LRP1B: variants seen among roughly 807,000 people sequenced by gnomAD.
The protein encoded by LRP1B is low-density lipoprotein receptor-related protein 1B.
A neutral mutation model predicts 556.6 loss-of-function variants in LRP1B; 217 were observed. The observed-to-expected ratio is 0.39, with a 90% CI of 0.35 to 0.44. LRP1B has a LOEUF of 0.44. LRP1B is among the 20% of genes least tolerant of loss of function. The pLI is 1.00. For synonymous variants in LRP1B, 2,047 were observed against 1,865.8 expected (o/e 1.10, Z -2.50); for missense variants, 5,053 against 5,620.8 (o/e 0.90, Z 3.23).
intron 1 of LRP1B, among the ~76,000 whole-genome samples, chr2:141,967,643 AC>A (rs1701599890): frequency 6.6e-6 from 1 of 151,760 alleles, no homozygotes; most frequent in African/African-American, 2.4e-5. Context: ...GGAGATGAAA[AC>A]CCCTATAAAG....
At chr2:140,749,026 C>T (rs1351024035) in intron 35 of LRP1B, among the ~76,000 whole-genome samples, 1 of 151,434 alleles carries the variant, frequency 6.6e-6, no homozygotes, top group Admixed American at 6.6e-5. Context: ...GACTTCAAAC[C>T]TGTACAGCAT....
rs1035548249 is a variant in LRP1B, at chr2:140,775,957, G to A, written c.5500+141C>T. On this transcript the variant is annotated intron_variant, in intron 33 of 90. Coordinates refer to ENST00000389484, the MANE Select transcript of LRP1B (RefSeq NM_018557.3). Reference sequence around the variant, plus strand: ...CTATATTAAAGACATTTCTCCTACAGTAGTAAGCAACATTTTCCTTTTTTC... The same window carrying A: ...CTATATTAAAGACATTTCTCCTACAATAGTAAGCAACATTTTCCTTTTTTC... The A allele has an allele frequency of 4.1e-5, 27 of 654,854 alleles. No homozygotes were observed. In the South Asian group the frequency reaches 5.8e-4, roughly 14 times the overall value. The allele number at this position is 654,854 out of a possible 1,614,324, so 40.6% of individuals were successfully genotyped here. A position where few individuals can be genotyped will look rare whatever the true frequency, so the allele number is the denominator to read the frequency against.
intron 77 of LRP1B, among the ~76,000 whole-genome samples, chr2:140,336,204 CAT>C (rs767067298): frequency 2.0e-5 from 3 of 151,876 alleles, no homozygotes; most frequent in Non-Finnish European, 4.4e-5. Context: ...AACAAAGAAT[CAT>C]AGTCTTTCAT....
At chr2:141,439,939 C>T (rs116145043) in intron 3 of LRP1B, among the ~76,000 whole-genome samples, 177 of 152,250 alleles carry the variant, frequency 1.2e-3, no homozygotes, top group African/African-American at 3.7e-3. Context: ...TTTTATTAAA[C>T]AAATGTGTTA....
chr2:140,389,305 C>A (rs1683906651), intron 66 of LRP1B, among the ~76,000 whole-genome samples: 2 of 151,584 alleles, frequency 1.3e-5, no homozygotes, highest in East Asian at 1.9e-4. Context: ...AAAAGGGATT[C>A]AAAAATCTAG....
Position 141,654,250 on chromosome 2 carries a change from AT to A in LRP1B, c.205+156028del, listed in dbSNP as rs1215358612. The stretch of plus-strand genomic sequence containing the variant: ...TGAGATTTTCTCAAACTGATTATGT[AT>A]TTGTATTGCAATATAAACCATCAGA... On this transcript the variant is annotated intron_variant, in intron 2 of 90. Transcript: ENST00000389484. Among the ~76,000 whole-genome samples, 6 of 152,320 alleles carry A rather than the reference AT, an allele frequency of 3.9e-5. No homozygotes were observed. The East Asian group carries it at 9.6e-4, about 24-fold the overall frequency.
intron 68 of LRP1B, among the ~76,000 whole-genome samples, chr2:140,376,395 C>T (rs1683229255): frequency 6.6e-6 from 1 of 152,124 alleles, no homozygotes; most frequent in Non-Finnish European, 1.5e-5. Flanking sequence ...TTACATATTA[C>T]CCAGATTGGT....
At chr2:141,215,812 CA>C (rs1682781141) in intron 6 of LRP1B, among the ~76,000 whole-genome samples, 1 of 152,150 alleles carries the variant, frequency 6.6e-6, no homozygotes, top group Admixed American at 6.5e-5. Context: ...AACCAATACT[CA>C]GAAGTGGGAG....
chr2:141,852,276 A>C (rs1193104058), intron 1 of LRP1B, among the ~76,000 whole-genome samples: 1 of 151,784 alleles, frequency 6.6e-6, no homozygotes, highest in African/African-American at 2.4e-5. Flanking sequence ...CTGTCTTTAC[A>C]TCTTGGCTTG....
chr2:141,361,724 G>A (rs1055373003), intron 3 of LRP1B, among the ~76,000 whole-genome samples: 1 of 152,166 alleles, frequency 6.6e-6, no homozygotes, highest in African/African-American at 2.4e-5. Flanking sequence ...ACCCTGCAAT[G>A]TAAATAATGT....
chr2:141,438,651 G>A (rs1680851491), intron 3 of LRP1B, among the ~76,000 whole-genome samples: 1 of 152,040 alleles, frequency 6.6e-6, no homozygotes, highest in Non-Finnish European at 1.5e-5. Context: ...AGGAACAAGG[G>A]TACACCTATA....
At chr2:140,802,102 G>A (rs1001869010) in intron 32 of LRP1B, among the ~76,000 whole-genome samples, 1 of 152,128 alleles carries the variant, frequency 6.6e-6, no homozygotes, top group Non-Finnish European at 1.5e-5. Context: ...ATAATCACGA[G>A]AGGAGCTGCT....
intron 7 of LRP1B, among the ~76,000 whole-genome samples, chr2:141,132,728 C>G (rs1444545547): frequency 6.6e-6 from 1 of 151,812 alleles, no homozygotes; most frequent in Non-Finnish European, 1.5e-5. Flanking sequence ...AAAAAAAAGT[C>G]TTAACTCTAT....
At chr2:141,580,754 C>T (rs1686934933) in intron 2 of LRP1B, among the ~76,000 whole-genome samples, 1 of 152,216 alleles carries the variant, frequency 6.6e-6, no homozygotes, top group African/African-American at 2.4e-5. Flanking sequence ...TCACGGCAAA[C>T]ACCTTCGAGT....
intron 47 of LRP1B, 95 bp downstream of exon 47, chr2:140,533,926 G>A: frequency 7.4e-7 from 1 of 1,355,056 alleles, no homozygotes; most frequent in Admixed American, 1.8e-5. Context: ...GTTACTAGGT[G>A]TTATATGCCA....
At position 141,062,103 on chromosome 2, in the gene LRP1B, C is replaced by A. The variant is rs964778644; in HGVS notation, c.1184G>T (p.Gly395Val). The change falls in exon 8 of 91, where the codon GGA (glycine) becomes GTA (valine). Residue 395 changes from glycine (G) to valine (V), a missense_variant. Physicochemically the swap from Gly to Val is moderately radical, Grantham distance 109. Coordinates refer to ENST00000389484, the MANE Select transcript of LRP1B (RefSeq NM_018557.3). Reference sequence around the variant, plus strand: ...ATTTTTTCCTTGATAGTCCACTACTCCCACATAGTCCAAGTAAAGATCTAC... The same window carrying A: ...ATTTTTTCCTTGATAGTCCACTACTACCACATAGTCCAAGTAAAGATCTAC... ...YWVDLYLDYV[G>V]VVDYQGKNRH... 3 of 1,611,892 alleles carry A rather than the reference C, an allele frequency of 1.9e-6. No homozygotes were observed. The highest frequency in any genetic ancestry group is 2.5e-6 in the Non-Finnish European group (3 of 1,178,690).
intron 35 of LRP1B, among the ~76,000 whole-genome samples, chr2:140,733,824 G>T (rs1048921066): frequency 6.6e-6 from 1 of 152,066 alleles, no homozygotes; most frequent in African/African-American, 2.4e-5. Context: ...CTCTACTATG[G>T]ATAAATTATA....
At chr2:141,847,992 TTTAAG>T (rs1352353658) in intron 1 of LRP1B, among the ~76,000 whole-genome samples, 1 of 151,522 alleles carries the variant, frequency 6.6e-6, no homozygotes, top group Non-Finnish European at 1.5e-5. Context: ...AAATAAAGAC[TTTAAG>T]TTAATAAGGA....
At chr2:141,651,952 A>G (rs1202291305) in intron 2 of LRP1B, among the ~76,000 whole-genome samples, 3 of 152,316 alleles carry the variant, frequency 2.0e-5, no homozygotes, top group Admixed American at 6.5e-5. Flanking sequence ...TCAATATGTA[A>G]TATTTAGAAA....
Sources: gnomAD v4.1 joint callset for allele counts (sites outside exome capture counted in the v4.1 genomes callset) on GRCh38, gnomAD v4.1.1 for gene constraint, MANE v1.5 for transcripts, NCBI Gene and HGNC (gene_info 2026-07-23, HGNC 2026-07-21) for gene names.